MAFG: variants seen among roughly 807,000 people sequenced by gnomAD.
MAFG encodes the protein MAF bZIP transcription factor G.
MAFG carries 3 observed loss-of-function variants against 12.2 expected under a neutral mutation model. The observed-to-expected ratio is 0.25, with a 90% CI of 0.11 to 0.64. The LOEUF is 0.64. MAFG is among the 30% of genes least tolerant of loss of function. The pLI, the probability that MAFG is intolerant of heterozygous loss-of-function variation, is 0.85. For missense variants in MAFG, 153 were observed against 235.5 expected (o/e 0.65, Z 2.29); for synonymous variants, 126 against 109.1 (o/e 1.15, Z -0.96).
At chr17:81,927,054 C>A (rs2040946485) in intron 1 of MAFG, among the ~76,000 whole-genome samples, 1 of 151,908 alleles carries the variant, frequency 6.6e-6, no homozygotes. Context: ...CGCAGCACCC[C>A]CATCGCCGCC....
intron 1 of MAFG, among the ~76,000 whole-genome samples, chr17:81,925,975 G>C (rs1240474871): frequency 6.9e-6 from 1 of 143,966 alleles, no homozygotes; most frequent in Non-Finnish European, 1.5e-5. Context: ...TATGTGTGGG[G>C]GGTGCTCACT....
chr17:81,929,730 C>G (rs1045158028), upstream of MAFG: 2 of 153,088 alleles, frequency 1.3e-5, no homozygotes, highest in African/African-American at 4.8e-5. The surrounding 1 kb of genome is among the most constrained non-coding windows in gnomAD (Gnocchi z 5.7). Flanking sequence ...CTCATCTCCA[C>G]GACCGGCTTT....
At position 81,923,014 on chromosome 17, in the gene MAFG, T is replaced by G; in HGVS notation, c.80A>C (p.Glu27Ala). 6.3e-7 allele frequency: 1 copy of G among 1,597,736 alleles called. No individual in the cohort carries two copies. The highest frequency in any genetic ancestry group is 8.5e-7 in the Non-Finnish European group (1 of 1,172,006). ...PGENGTSLTDEELVTMSVREL... is the reference protein window; with the variant it reads ...PGENGTSLTDAELVTMSVREL... ...CCGCACCGACATGGTCACCAGCTCC[T>G]CATCCGTCAGGCTGGTGCCATTCTC... The change falls in exon 3 of 3, where the codon GAG becomes GCG. Residue 27 changes from glutamate (E) to alanine (A), a missense_variant. Transcript: ENST00000357736.
In MAFG at chr17:81,923,855, G is replaced by C. The variant is rs537995567; in HGVS notation, c.-29-641C>G. Among the ~76,000 whole-genome samples, 123 of 152,356 alleles carry C rather than the reference G, an allele frequency of 8.1e-4. 1 individual carries two copies. The highest frequency in any genetic ancestry group is 2.9e-3 in the African/African-American group (121 of 41,592). On this transcript the variant is annotated intron_variant, in intron 1 of 2. Coordinates refer to ENST00000357736, the MANE Select transcript of MAFG (RefSeq NM_002359.4). ...GGGCCCCACGGGGGACCTGGCCAGAGAGGAGGCTACAGGGAACCCCGAGTC... is the reference window on the plus strand; with the variant it reads ...GGGCCCCACGGGGGACCTGGCCAGACAGGAGGCTACAGGGAACCCCGAGTC...
rs1458325078 is a variant in MAFG, at chr17:81,919,058, TC to T, written c.*3546del. The T allele has an allele frequency of 2.0e-5, 3 of 152,188 alleles. No individual in the cohort carries two copies. Among genetic ancestry groups the T allele is most frequent in the Non-Finnish European group, 4.4e-5 (3 of 68,038 alleles). The allele number at this position is 152,188 out of a possible 1,614,324, so 9.4% of individuals were successfully genotyped here. A position where few individuals can be genotyped will look rare whatever the true frequency, so the allele number is the denominator to read the frequency against. ...GTGTGGCACTGATTATGTACTCTAC[TC>T]TCCCGACCTGCTCCAAGGCCAGACA... On this transcript the variant is annotated 3_prime_UTR_variant, in exon 3 of 3. Coordinates refer to ENST00000357736, the MANE Select transcript of MAFG (RefSeq NM_002359.4).
chr17:81,919,358 G>C lies in MAFG; in HGVS notation c.*3247C>G, dbSNP rs1278925255. 1.3e-5 allele frequency: 2 copies of C among 152,288 alleles called. No homozygotes were observed. The allele number at this position is 152,288 out of a possible 1,614,324, so 9.4% of individuals were successfully genotyped here. On this transcript the variant is annotated 3_prime_UTR_variant, in exon 3 of 3. Transcript: ENST00000357736. Reference sequence around the variant, plus strand: ...TGCAGCCGCTCAGGGCCGTGGGCCGGGCCCTGATCACCAGTCAGAAGTGTA... The same window carrying C: ...TGCAGCCGCTCAGGGCCGTGGGCCGCGCCCTGATCACCAGTCAGAAGTGTA...
chr17:81,922,554 C>T lies in MAFG; in HGVS notation c.*51G>A, dbSNP rs374712129. ...AACAGAGGGACAGGGCAGCCAAATT[C>T]GCCATGTGCCTAGTGGCCCCGCAAA... On this transcript the variant is annotated 3_prime_UTR_variant, in exon 3 of 3. Transcript: ENST00000357736. 1.3e-4 allele frequency: 168 copies of T among 1,343,516 alleles called. No individual in the cohort carries two copies. In the African/African-American group the frequency reaches 1.3e-3, roughly 10 times the overall value. The allele number at this position is 1,343,516 out of a possible 1,614,324, so 83.2% of individuals were successfully genotyped here. A position where few individuals can be genotyped will look rare whatever the true frequency, so the allele number is the denominator to read the frequency against.
chr17:81,925,365 G>C (rs2040930994), intron 1 of MAFG, among the ~76,000 whole-genome samples: 1 of 152,234 alleles, frequency 6.6e-6, no homozygotes, highest in Non-Finnish European at 1.5e-5. Flanking sequence ...TCCCGTGCCT[G>C]AACACAGACA....
chr17:81,927,863 C>G (rs1332989309), upstream of MAFG: 1 of 152,190 alleles, frequency 6.6e-6, no homozygotes, highest in African/African-American at 2.4e-5. Flanking sequence ...CCTGGCAACA[C>G]TGGCTGCTCT....
chr17:81,923,268 C>CT (rs1294259448), intron 1 of MAFG, 54 bp from the exon 2 acceptor site: 7 of 938,144 alleles, frequency 7.5e-6, no homozygotes, highest in Admixed American at 4.7e-5. Flanking sequence ...CCGCACCCCC[C>CT]CCCCCCCGCC....
In MAFG at chr17:81,922,673, C is replaced by A. The variant is rs774502626; in HGVS notation, c.421G>T (p.Val141Phe). Residue 141 changes from valine (V) to phenylalanine (F), a missense_variant, in exon 3 of 3, where the codon GTC (valine) becomes TTC (phenylalanine). Physicochemically the swap from Val to Phe is conservative, Grantham distance 50. Coordinates refer to ENST00000357736, the MANE Select transcript of MAFG (RefSeq NM_002359.4). The part of the protein sequence containing the change: ...GPLAAGLGPL[V>F]PGKVAATSVI... ...CTGGTGGCGGCCACCTTGCCTGGGA[C>A]GAGGGGCCCCAGGCCGGCGGCAAGG... 6.6e-7 allele frequency: 1 copy of A among 1,506,922 alleles called. No homozygotes were observed. Among genetic ancestry groups the A allele is most frequent in the Non-Finnish European group, 8.8e-7 (1 of 1,133,080 alleles). 93.3% of individuals were successfully genotyped at this position (1,506,922 alleles called of 1,614,324 possible).
rs376037603 is a variant in MAFG, at chr17:81,923,019, C to T, written c.75G>A (p.Thr25=). The T allele has an allele frequency of 7.9e-5, 127 of 1,597,506 alleles. No individual in the cohort carries two copies. Among genetic ancestry groups the T allele is most frequent in the Admixed American group, 1.7e-4 (10 of 57,902 alleles). The change falls in exon 3 of 3, where the codon ACG becomes ACA. Residue 25 remains threonine (T), a synonymous_variant. Transcript: ENST00000357736. ...REPGENGTSL[T]DEELVTMSVR... is the part of the protein sequence containing the mutation. The stretch of plus-strand genomic sequence containing the variant: ...CCGACATGGTCACCAGCTCCTCATC[C>T]GTCAGGCTGGTGCCATTCTCACCCG...
At chr17:81,923,454 G>A (rs1376831355) in intron 1 of MAFG, 2 of 422,478 alleles carry the variant, frequency 4.7e-6, no homozygotes, top group South Asian at 1.1e-4. Flanking sequence ...GGTCTGACGG[G>A]AGAAGGGGAA....
rs2040940673 is a variant in MAFG, at chr17:81,926,515, T to C, written c.-30+1013A>G. On this transcript the variant is annotated intron_variant, in intron 1 of 2. Coordinates refer to ENST00000357736, the MANE Select transcript of MAFG (RefSeq NM_002359.4). The surrounding 1 kb of genome is among the most constrained non-coding windows in gnomAD (Gnocchi z 4.6). ...CAGGGCTTGGTACACACACCCCTCT[T>C]TCTCCCAGGACCTCGATCTCTGGCC... Among the ~76,000 whole-genome samples, 1 of 152,086 alleles carries C rather than the reference T, an allele frequency of 6.6e-6. No individual in the cohort carries two copies. The highest frequency in any genetic ancestry group is 1.5e-5 in the Non-Finnish European group (1 of 67,998).
Position 81,922,493 on chromosome 17 carries a change from G to C in MAFG, c.*112C>G. ...GTTGTGCTTTGCAGGGAAGAGAGAA[G>C]GGTGGGGAAGAGAGGGAGGAAAGAG... On this transcript the variant is annotated 3_prime_UTR_variant, in exon 3 of 3. Coordinates refer to ENST00000357736, the MANE Select transcript of MAFG (RefSeq NM_002359.4). 1.2e-6 allele frequency: 1 copy of C among 855,954 alleles called. No individual in the cohort carries two copies. The highest frequency in any genetic ancestry group is 1.8e-5 in the African/African-American group (1 of 55,420). The allele number at this position is 855,954 out of a possible 1,614,324, so 53.0% of individuals were successfully genotyped here. A position where few individuals can be genotyped will look rare whatever the true frequency, so the allele number is the denominator to read the frequency against.
chr17:81,918,707 T>C lies in MAFG; in HGVS notation c.*3898A>G, dbSNP rs2143802240. ...GGACACGCGGGCAGCCCTTGTCCTG[T>C]TGCCAGGAGAAGGCTTTCTGTGCCC... is the stretch of plus-strand genomic sequence containing the variant. On this transcript the variant is annotated 3_prime_UTR_variant, in exon 3 of 3. Coordinates refer to ENST00000357736, the MANE Select transcript of MAFG (RefSeq NM_002359.4). The C allele has an allele frequency of 6.6e-6, 1 of 152,562 alleles. No homozygotes were observed. The highest frequency in any genetic ancestry group is 1.9e-4 in the East Asian group (1 of 5,188). 9.5% of individuals were successfully genotyped at this position (152,562 alleles called of 1,614,324 possible).
Position 81,927,554 on chromosome 17 carries a change from CCGGGGCGGGG to C in MAFG, c.-66_-57del, listed in dbSNP as rs1009618372. ...ACACTGCGGGCCCGGCGGGCCGAGG[CCGGGGCGGGG>C]CGGGGCCGCGCGCGCTCCGAGGCCG... On this transcript the variant is annotated 5_prime_UTR_variant, in exon 1 of 3. Transcript: ENST00000357736. 2 of 145,586 alleles carry C rather than the reference CCGGGGCGGGG, an allele frequency of 1.4e-5. No individual in the cohort carries two copies. Among genetic ancestry groups the C allele is most frequent in the Non-Finnish European group, 3.1e-5 (2 of 65,452 alleles). The allele number at this position is 145,586 out of a possible 1,614,324, so 9.0% of individuals were successfully genotyped here.
chr17:81,929,245 C>T (rs2040966400), upstream of MAFG, among the ~76,000 whole-genome samples: 1 of 152,210 alleles, frequency 6.6e-6, no homozygotes, highest in Non-Finnish European at 1.5e-5. This position sits in a 1 kb window ranked among gnomAD's most constrained non-coding sequence, Gnocchi z 5.7. Context: ...TCAGTCCTCC[C>T]CTCCCTGGGC....
chr17:81,926,943 G>A lies in MAFG; in HGVS notation c.-30+585C>T, dbSNP rs1211975019. 6.6e-6 allele frequency among the ~76,000 whole-genome samples: 1 copy of A among 152,042 alleles called. No individual in the cohort carries two copies. Among genetic ancestry groups the A allele is most frequent in the Non-Finnish European group, 1.5e-5 (1 of 67,992 alleles). ...CTCGAATCCCCTCCGGTATCAGCTT[G>A]AGCACCGAGTGACCTCACGCTGATG... On this transcript the variant is annotated intron_variant, in intron 1 of 2. Coordinates refer to ENST00000357736, the MANE Select transcript of MAFG (RefSeq NM_002359.4). This position sits in a 1 kb window ranked among gnomAD's most constrained non-coding sequence, Gnocchi z 4.6.
Sources: allele counts gnomAD v4.1 joint callset (sites outside exome capture counted in the v4.1 genomes callset), GRCh38; gene constraint gnomAD v4.1.1; non-coding constraint Gnocchi (gnomAD v3.1); transcripts MANE v1.5; gene names NCBI Gene and HGNC (gene_info 2026-07-23, HGNC 2026-07-21).